Variants in POLA1 observed in about 807,000 individuals in gnomAD.
The protein encoded by POLA1 is DNA polymerase alpha 1, catalytic subunit.
A neutral mutation model predicts 124.0 loss-of-function variants in POLA1; 15 were observed. The observed-to-expected ratio is 0.12, with a 90% CI of 0.08 to 0.19. POLA1 has a LOEUF of 0.19. Among genes scored for constraint, POLA1 ranks in the 10% least tolerant of loss-of-function variants. POLA1 has a pLI of 1.00. For missense variants in POLA1, 886 were observed against 1,103.4 expected (o/e 0.80, Z 2.79); for synonymous variants, 408 against 389.4 (o/e 1.05, Z -0.56).
Position 24,717,393 on chromosome X carries a change from C to A in POLA1, c.810C>A (p.Asp270Glu). Reference protein sequence around the residue: ...FDEPMEVEEVDLEPMAAKAWD... With the variant: ...FDEPMEVEEVELEPMAAKAWD... ...AGCCCATGGAAGTTGAAGAGGTGGA[C>A]CTGGAGCCTATGGCTGCCAAGGCTT... is the stretch of plus-strand genomic sequence containing the variant. The change falls in exon 9 of 37, where the codon GAC becomes GAA. Residue 270 changes from aspartate to glutamate, a missense_variant. Coordinates refer to ENST00000379068, the MANE Select transcript of POLA1 (RefSeq NM_001330360.2). The A allele has an allele frequency of 8.3e-7, 1 of 1,209,739 alleles. No homozygotes were observed. The highest frequency in any genetic ancestry group is 1.1e-6 in the Non-Finnish European group (1 of 893,890).
chrX:24,715,180 A>G lies in POLA1; in HGVS notation c.502A>G (p.Ile168Val), dbSNP rs757861328. The change falls in exon 6 of 37, where the codon ATT becomes GTT. Residue 168 changes from isoleucine to valine, a missense_variant. Physicochemically the swap from Ile to Val is conservative, Grantham distance 29. Coordinates refer to ENST00000379068, the MANE Select transcript of POLA1 (RefSeq NM_001330360.2). ...DLSKDGLLGDILQDLNTETPQ... is the reference protein window; with the variant it reads ...DLSKDGLLGDVLQDLNTETPQ... Reference sequence around the variant, plus strand: ...GTCCAAGGATGGTCTGCTAGGTGACATTCTACAGGATCTTAACACTGAGGT... The same window carrying G: ...GTCCAAGGATGGTCTGCTAGGTGACGTTCTACAGGATCTTAACACTGAGGT... 2 of 1,168,167 alleles carry G rather than the reference A, an allele frequency of 1.7e-6. No homozygotes were observed. Among genetic ancestry groups the G allele is most frequent in the Non-Finnish European group, 2.3e-6 (2 of 855,645 alleles).
intron 34 of POLA1, among the ~76,000 whole-genome samples, chrX:24,886,578 C>T (rs1336682814): frequency 2.7e-5 from 3 of 111,420 alleles, no homozygotes; most frequent in Non-Finnish European, 3.8e-5. Context: ...AAGCCTATTC[C>T]GAGGAATGAG....
At position 24,704,445 on chromosome X, in the gene POLA1, G is replaced by T. The variant is rs777353124; in HGVS notation, c.322G>T (p.Asp108Tyr). ...REIFDDDLED[D>Y]ALDADEKGKD... is the part of the protein sequence containing the mutation. ...GATTTTTGATGATGACCTTGAAGATGATGCCCTTGATGCTGATGAGAAAGG... is the reference window on the plus strand; with the variant it reads ...GATTTTTGATGATGACCTTGAAGATTATGCCCTTGATGCTGATGAGAAAGG... The change falls in exon 4 of 37, where the codon GAT becomes TAT. Residue 108 changes from aspartate (D) to tyrosine (Y), a missense_variant. Coordinates refer to ENST00000379068, the MANE Select transcript of POLA1 (RefSeq NM_001330360.2). The T allele has an allele frequency of 7.6e-6, 9 of 1,189,501 alleles. No individual in the cohort carries two copies. In the South Asian group the frequency reaches 8.9e-5, roughly 12 times the overall value.
Position 24,742,064 on chromosome X carries a change from C to T in POLA1, c.2409C>T (p.Tyr803=), listed in dbSNP as rs201734540. The change falls in exon 22 of 37, where the codon TAC becomes TAT. Residue 803 remains tyrosine (Y), a synonymous_variant. Coordinates refer to ENST00000379068, the MANE Select transcript of POLA1 (RefSeq NM_001330360.2). ...AGTTCTTGTTGCTTCATGCATTTTA[C>T]GAAAACAACTATATTGTGCCTGACA... The part of the protein sequence containing the change: ...RNEFLLLHAF[Y]ENNYIVPDKQ... The T allele has an allele frequency of 3.1e-5, 37 of 1,200,549 alleles. No individual in the cohort carries two copies. In the Middle Eastern group the frequency reaches 1.2e-3, roughly 38 times the overall value.
At chrX:24,908,508 A>G (rs930955994) in intron 35 of POLA1, among the ~76,000 whole-genome samples, 2 of 106,773 alleles carry the variant, frequency 1.9e-5, no homozygotes, top group African/African-American at 6.9e-5. Context: ...TCCTTGCGAT[A>G]GTTTGCTGAG....
chrX:24,995,765 A>G (rs2048598379), intron 36 of POLA1, 40 bp from the exon 37 acceptor site: 2 of 1,140,554 alleles, frequency 1.8e-6, no homozygotes, highest in Non-Finnish European at 2.4e-6. Context: ...TCTTTAAAGA[A>G]ACTACCTGAG....
rs766166570 is a variant in POLA1 at position 24,814,964 on chromosome X, T to G, written c.3297-15T>G. 175 of 1,077,137 alleles carry G rather than the reference T, an allele frequency of 1.6e-4. 1 individual carries two copies. The African/African-American group carries it at 2.7e-3, about 16-fold the overall frequency. The allele number at this position is 1,077,137 out of a possible 1,213,427, so 88.8% of individuals were successfully genotyped here. On this transcript the variant is annotated splice_polypyrimidine_tract_variant and intron_variant, in intron 29 of 36. Transcript: ENST00000379068. ...AACTGCTGTCTTTGTTTTGTTTTTTTTTTTTTTTTTGCAGCTTTGTGATTG... is the reference window on the plus strand; with the variant it reads ...AACTGCTGTCTTTGTTTTGTTTTTTGTTTTTTTTTTGCAGCTTTGTGATTG...
chrX:24,867,077 A>G (rs2046804218), intron 34 of POLA1, among the ~76,000 whole-genome samples: 1 of 91,947 alleles, frequency 1.1e-5, no homozygotes, highest in Non-Finnish European at 2.3e-5. Context: ...CAATATCACA[A>G]TAAAACTTGA....
At chrX:24,879,537 A>G (rs1192289929) in intron 34 of POLA1, among the ~76,000 whole-genome samples, 1 of 112,304 alleles carries the variant, frequency 8.9e-6, no homozygotes, top group African/African-American at 3.2e-5. Context: ...GTATTTTGTT[A>G]GATCTCTAAC....
At chrX:24,882,889 A>G (rs1358748774) in intron 34 of POLA1, among the ~76,000 whole-genome samples, 2 of 111,479 alleles carry the variant, frequency 1.8e-5, no homozygotes, top group Admixed American at 1.9e-4. Flanking sequence ...CCTGGGTTGA[A>G]TGGTAGCTCT....
chrX:24,939,485 A>T (rs1241657290), intron 36 of POLA1, among the ~76,000 whole-genome samples: 1 of 112,043 alleles, frequency 8.9e-6, no homozygotes, highest in Non-Finnish European at 1.9e-5. Context: ...AATTACTATC[A>T]TAATTATTAT....
chrX:24,795,989 C>A (rs955013356), intron 26 of POLA1, among the ~76,000 whole-genome samples: 1 of 111,561 alleles, frequency 9.0e-6, no homozygotes, highest in African/African-American at 3.3e-5. Flanking sequence ...GAAGGGTATA[C>A]TTATCTTTAT....
chrX:24,801,920 G>A (rs111957559), intron 26 of POLA1, among the ~76,000 whole-genome samples: 2 of 47,511 alleles, frequency 4.2e-5, no homozygotes, highest in Non-Finnish European at 7.1e-5. Context: ...AGGAGAGGTG[G>A]GTGGGTGTGT....
chrX:24,920,416 T>C (rs5944697), intron 35 of POLA1, among the ~76,000 whole-genome samples: 21,997 of 110,321 alleles, frequency 0.2, 1,825 homozygotes, highest in South Asian at 0.36. Context: ...ATAACCTGAA[T>C]GTGACATCAT....
At chrX:24,765,846 C>T (rs1378192467) in intron 26 of POLA1, among the ~76,000 whole-genome samples, 1 of 111,953 alleles carries the variant, frequency 8.9e-6, no homozygotes, top group Admixed American at 9.4e-5. Flanking sequence ...CAGTTTCCTC[C>T]TTTCCTCTCC....
At chrX:24,915,942 G>A (rs1209662157) in intron 35 of POLA1, among the ~76,000 whole-genome samples, 9 of 111,796 alleles carry the variant, frequency 8.1e-5, no homozygotes, top group Non-Finnish European at 1.5e-4. Flanking sequence ...ATAAATGGGC[G>A]GTAAAAAGTG....
intron 4 of POLA1, among the ~76,000 whole-genome samples, chrX:24,708,340 A>G (rs189413114): frequency 4.2e-4 from 44 of 104,673 alleles, no homozygotes; most frequent in Non-Finnish European, 4.7e-4. Context: ...ATGTCCTACA[A>G]TCCTTTTCAC....
intron 17 of POLA1, among the ~76,000 whole-genome samples, chrX:24,734,945 A>G (rs1477113064): frequency 3.6e-5 from 4 of 111,983 alleles, no homozygotes; most frequent in African/African-American, 1.3e-4. Context: ...GTTTGTTTTT[A>G]GTCTAGTTTC....
At position 24,888,054 on chromosome X, in the gene POLA1, C is replaced by T; in HGVS notation, c.4096C>T (p.Leu1366Phe). ...EPTCRNRTRH[L>F]PLQFSRTGPL... is the part of the protein sequence containing the mutation. ...AACCTGTCGCAATCGAACTCGTCACCTTCCCCTTCAATTCTCCCGAACTGG... is the reference window on the plus strand; with the variant it reads ...AACCTGTCGCAATCGAACTCGTCACTTTCCCCTTCAATTCTCCCGAACTGG... Residue 1366 changes from leucine to phenylalanine, a missense_variant, in exon 35 of 37, where the codon CTT (leucine) becomes TTT (phenylalanine). By Grantham distance (22) the Leu-to-Phe change is conservative (BLOSUM62 0). This residue lies in a region of POLA1 where 313 missense variants were observed against 359.7 expected (regional missense o/e 0.87). Transcript: ENST00000379068. The T allele has an allele frequency of 8.3e-7, 1 of 1,209,178 alleles. No homozygotes were observed.
Sources: allele counts gnomAD v4.1 joint callset (sites outside exome capture counted in the v4.1 genomes callset), GRCh38; gene constraint gnomAD v4.1.1; regional missense constraint gnomAD v4.1.1; transcripts MANE v1.5; gene names NCBI Gene and HGNC (gene_info 2026-07-23, HGNC 2026-07-21).